The following RPS15A variants were observed in gnomAD, a reference collection of about 807,000 sequenced individuals.
The protein encoded by RPS15A is ribosomal protein S15a.
For synonymous variants in RPS15A, 55 were observed against 58.5 expected (o/e 0.94, Z 0.27); for missense variants, 62 against 163.4 (o/e 0.38, Z 3.38).
At chr16:18,783,457 T>C (rs1175652798) in intron 4 of RPS15A, 8 of 336,594 alleles carry the variant, frequency 2.4e-5, no homozygotes, top group Non-Finnish European at 4.6e-5. Context: ...GAGTTTGAAT[T>C]GTGTTTCTGC....
intron 4 of RPS15A, chr16:18,783,732 A>AC (rs1180315396): frequency 8.8e-6 from 4 of 455,684 alleles, no homozygotes; most frequent in African/African-American, 6.0e-5. Context: ...ACAAAGATAC[A>AC]CATTTACTGT....
intron 3 of RPS15A, chr16:18,785,111 AG>A (rs542589671): frequency 3.4e-4 from 100 of 295,966 alleles, no homozygotes; most frequent in African/African-American, 2.1e-3. Context: ...AGAGCTGTCC[AG>A]GATGATCAGA....
intron 3 of RPS15A, chr16:18,785,820 CAA>C (rs991118580): frequency 3.3e-5 from 5 of 152,120 alleles, no homozygotes; most frequent in Admixed American, 2.0e-4. Context: ...AAGATCTTTC[CAA>C]AGTCTGCCGC....
Position 18,783,089 on chromosome 16 carries a change from T to A in RPS15A, c.313A>T (p.Thr105Ser), listed in dbSNP as rs1211941043. 2 of 1,607,718 alleles carry A rather than the reference T, an allele frequency of 1.2e-6. No individual in the cohort carries two copies. The highest frequency in any genetic ancestry group is 1.7e-6 in the Non-Finnish European group (2 of 1,176,200). ...PSRQFGFIVL[T>S]TSAGIMDHEE... ...TGGTCCATGATGCCAGCTGAGGTTG[T>A]CAGTACAATGAAACTATGGAGTGGA... The change falls in exon 5 of 5, where the codon ACA becomes TCA. Residue 105 changes from threonine (T) to serine (S), a missense_variant. Transcript: ENST00000322989.
chr16:18,783,243 T>C (rs1903992799), intron 4 of RPS15A, 141 bp from the exon 5 acceptor site: 1 of 604,350 alleles, frequency 1.7e-6, no homozygotes, highest in Non-Finnish European at 2.9e-6. Context: ...CTACATGAGC[T>C]GGTGCCTCAT....
intron 3 of RPS15A, chr16:18,785,037 CAA>C (rs1240886454): frequency 6.0e-6 from 3 of 501,484 alleles, no homozygotes; most frequent in African/African-American, 2.0e-5. Flanking sequence ...CAAAGGCATG[CAA>C]AGAGATGGAA....
Position 18,782,936 on chromosome 16 carries a change from A to G in RPS15A, c.*73T>C. ...CAGAAGCTGTGGCTACACTGCTGTA[A>G]AGGCTCAAAACGACCAAGTGGAAGC... On this transcript the variant is annotated 3_prime_UTR_variant, in exon 5 of 5. Transcript: ENST00000322989. 1.1e-6 allele frequency: 1 copy of G among 905,884 alleles called. No homozygotes were observed. Among genetic ancestry groups the G allele is most frequent in the East Asian group, 2.4e-5 (1 of 41,504 alleles). 56.1% of individuals were successfully genotyped at this position (905,884 alleles called of 1,614,324 possible).
At chr16:18,787,423 G>T (rs796408430) in intron 3 of RPS15A, among the ~76,000 whole-genome samples, 2 of 152,152 alleles carry the variant, frequency 1.3e-5, no homozygotes, top group Non-Finnish European at 2.9e-5. Flanking sequence ...GGACAAGCCT[G>T]AACTAGAGGA....
intron 2 of RPS15A, chr16:18,788,462 G>A (rs1034932362): frequency 9.3e-5 from 28 of 301,160 alleles, no homozygotes; most frequent in Non-Finnish European, 1.5e-4. Context: ...CTCTCAAAGA[G>A]CTCTGAGAAG....
At chr16:18,783,458 G>T (rs1903996459) in intron 4 of RPS15A, 1 of 336,412 alleles carries the variant, frequency 3.0e-6, no homozygotes, top group Non-Finnish European at 5.8e-6. Flanking sequence ...AGTTTGAATT[G>T]TGTTTCTGCC....
In RPS15A at chr16:18,782,389, C is replaced by G. The variant is rs1242611833; in HGVS notation, c.*620G>C. Reference sequence around the variant, plus strand: ...CTAAAATCCTATCTACAGAATAATCCTAGCCAGGCAAAACAAATTCATCAA... The same window carrying G: ...CTAAAATCCTATCTACAGAATAATCGTAGCCAGGCAAAACAAATTCATCAA... On this transcript the variant is annotated 3_prime_UTR_variant, in exon 5 of 5. Transcript: ENST00000322989. 6.7e-6 allele frequency: 1 copy of G among 149,648 alleles called. No homozygotes were observed. The highest frequency in any genetic ancestry group is 1.5e-5 in the Non-Finnish European group (1 of 67,410). 9.3% of individuals were successfully genotyped at this position (149,648 alleles called of 1,614,324 possible). A position where few individuals can be genotyped will look rare whatever the true frequency, so the allele number is the denominator to read the frequency against.
chr16:18,785,077 A>G (rs921043307), intron 3 of RPS15A: 5 of 387,490 alleles, frequency 1.3e-5, no homozygotes, highest in Non-Finnish European at 1.8e-5. Flanking sequence ...GTGTCAGGCC[A>G]CTGGCGTGCT....
At chr16:18,784,993 C>G in intron 3 of RPS15A, 170 bp from the exon 4 acceptor site, 2 of 551,504 alleles carry the variant, frequency 3.6e-6, no homozygotes, top group Non-Finnish European at 6.3e-6. Context: ...AAAAAATACA[C>G]CTAAGTAAGA....
chr16:18,783,026 G>A lies in RPS15A; in HGVS notation c.376C>T (p.Leu126=). The stretch of plus-strand genomic sequence containing the variant: ...TTACATCCCTAGAAAAAGAATCCCA[G>A]GATTTTCCCTCCTGTGTGTTTTCGT... ...ARRKHTGGKI[L]GFFF The change falls in exon 5 of 5, where the codon CTG becomes TTG. Residue 126 remains leucine (L), a synonymous_variant. Transcript: ENST00000322989. 1 of 1,577,902 alleles carries A rather than the reference G, an allele frequency of 6.3e-7. No individual in the cohort carries two copies. Among genetic ancestry groups the A allele is most frequent in the South Asian group, 1.1e-5 (1 of 90,528 alleles).
At chr16:18,788,839 C>T in intron 2 of RPS15A, 142 bp downstream of exon 2, 1 of 824,928 alleles carries the variant, frequency 1.2e-6, no homozygotes, top group Non-Finnish European at 1.9e-6. Context: ...TCAGACTATC[C>T]CCTCCTCCAC....
chr16:18,782,507 G>T lies in RPS15A; in HGVS notation c.*502C>A, dbSNP rs184652146. 5.0e-3 allele frequency: 773 copies of T among 153,114 alleles called. 8 individuals carry two copies. Among genetic ancestry groups the T allele is most frequent in the Non-Finnish European group, 9.1e-3 (625 of 68,700 alleles). The allele number at this position is 153,114 out of a possible 1,614,324, so 9.5% of individuals were successfully genotyped here. Reference sequence around the variant, plus strand: ...GGAGGCCGAGGTAGGCTGATCACTTGAGGCCCAGAACTCAAGACCAGCCTG... The same window carrying T: ...GGAGGCCGAGGTAGGCTGATCACTTTAGGCCCAGAACTCAAGACCAGCCTG... On this transcript the variant is annotated 3_prime_UTR_variant, in exon 5 of 5. Coordinates refer to ENST00000322989, the MANE Select transcript of RPS15A (RefSeq NM_001019.5).
chr16:18,786,612 T>C (rs1262639314), intron 3 of RPS15A: 1 of 151,998 alleles, frequency 6.6e-6, no homozygotes, highest in Non-Finnish European at 1.5e-5. Context: ...ACCCCACCTC[T>C]ACAAAAAAGT....
intron 1 of RPS15A, 57 bp from the exon 2 acceptor site, chr16:18,789,175 C>G (rs2029969000): frequency 6.5e-7 from 1 of 1,529,172 alleles, no homozygotes; most frequent in South Asian, 1.2e-5. Context: ...TCAACAGACA[C>G]CAACCATTAC....
At chr16:18,783,596 G>T (rs1418673676) in intron 4 of RPS15A, 1 of 453,708 alleles carries the variant, frequency 2.2e-6, no homozygotes, top group Non-Finnish European at 4.4e-6. Flanking sequence ...ATTAAAATCA[G>T]TATCATAATT....
Sources: gnomAD v4.1 joint callset for allele counts (sites outside exome capture counted in the v4.1 genomes callset) on GRCh38, gnomAD v4.1.1 for gene constraint, MANE v1.5 for transcripts, NCBI Gene and HGNC (gene_info 2026-07-23, HGNC 2026-07-21) for gene names.